Variants in DENND4C observed in about 807,000 individuals in gnomAD.
The protein encoded by DENND4C is DENN domain containing 4C, also known as DENN domain-containing protein 4C.
Under a neutral mutation model 203.0 loss-of-function variants are expected in DENND4C, and 108 were observed. The ratio of observed to expected loss-of-function variants is 0.53; its 90% CI spans 0.46 to 0.62. DENND4C has a LOEUF of 0.62. Ranked by LOEUF, DENND4C falls within the 20% of genes least tolerant of loss-of-function variation. The probability of loss-of-function intolerance (pLI) is 0.00; values close to 1 mark genes in which losing one functional copy is unlikely to be tolerated. For missense variants in DENND4C, 2,481 were observed against 2,301.2 expected, an observed-to-expected ratio of 1.08 and a Z score of -1.60; for synonymous variants, 871 against 792.4, an observed-to-expected ratio of 1.10 and a Z score of -1.67.
intron 1 of DENND4C, among the ~76,000 whole-genome samples, chr9:19,254,288 A>G (rs1470500544): frequency 6.6e-6 from 1 of 152,204 alleles, no homozygotes; most frequent in Non-Finnish European, 1.5e-5. Flanking sequence ...CTGTACCCCC[A>G]TGTTAATTGT....
intron 1 of DENND4C, among the ~76,000 whole-genome samples, chr9:19,266,520 A>G (rs1441322320): frequency 1.3e-5 from 2 of 152,132 alleles, no homozygotes; most frequent in Non-Finnish European, 2.9e-5. Context: ...CATTGCCAAG[A>G]CAATCCTAAG....
intron 10 of DENND4C, among the ~76,000 whole-genome samples, chr9:19,315,557 A>G (rs926550753): frequency 1.1e-4 from 17 of 151,332 alleles, no homozygotes; most frequent in Admixed American, 1.1e-3. Flanking sequence ...ACGTGTATAT[A>G]TGTATGTGTG....
intron 1 of DENND4C, among the ~76,000 whole-genome samples, chr9:19,259,493 CTTTTCTT>C (rs1488776918): frequency 2.1e-5 from 3 of 145,936 alleles, no homozygotes; most frequent in Admixed American, 1.4e-4. Flanking sequence ...ACCATATTTT[CTTTTCTT>C]TTTTCTTTTT....
At chr9:19,257,943 T>G (rs1828390108) in intron 1 of DENND4C, among the ~76,000 whole-genome samples, 1 of 152,018 alleles carries the variant, frequency 6.6e-6, no homozygotes, top group Non-Finnish European at 1.5e-5. Flanking sequence ...GGAAACATGG[T>G]GAGACCTCAT....
At chr9:19,306,781 T>TTATC (rs1839765124) in intron 10 of DENND4C, among the ~76,000 whole-genome samples, 1 of 149,938 alleles carries the variant, frequency 6.7e-6, no homozygotes, top group Non-Finnish European at 1.5e-5. Flanking sequence ...ATTTATTTAT[T>TTATC]TATTTATTTA....
intron 1 of DENND4C, among the ~76,000 whole-genome samples, chr9:19,233,935 G>T (rs1372141439): frequency 6.6e-6 from 1 of 152,012 alleles, no homozygotes; most frequent in Non-Finnish European, 1.5e-5. Context: ...AAATTCAAAA[G>T]AAAAAATTTA....
intron 1 of DENND4C, among the ~76,000 whole-genome samples, chr9:19,275,288 T>G (rs1481787611): frequency 8.7e-6 from 1 of 114,586 alleles, no homozygotes; most frequent in Non-Finnish European, 1.7e-5. Context: ...TTTTTTTTTT[T>G]TTTCTTTCTC....
At chr9:19,294,516 G>A (rs1339264669) in intron 5 of DENND4C, among the ~76,000 whole-genome samples, 3 of 152,132 alleles carry the variant, frequency 2.0e-5, no homozygotes. Context: ...CCATATGATC[G>A]AGCAGTTTCA....
intron 13 of DENND4C, among the ~76,000 whole-genome samples, chr9:19,325,491 C>T (rs1252636025): frequency 6.6e-6 from 1 of 152,014 alleles, no homozygotes; most frequent in Non-Finnish European, 1.5e-5. Flanking sequence ...ATTCATATGC[C>T]TTAGAAGATT....
intron 8 of DENND4C, among the ~76,000 whole-genome samples, chr9:19,299,535 T>C (rs1838126941): frequency 6.6e-6 from 1 of 152,178 alleles, no homozygotes; most frequent in Non-Finnish European, 1.5e-5. Flanking sequence ...TTCCCTTTTC[T>C]TCTCATCTCC....
At chr9:19,336,990 G>T (rs1011754216) in intron 20 of DENND4C, among the ~76,000 whole-genome samples, 158 bp downstream of exon 20, 8 of 152,122 alleles carry the variant, frequency 5.3e-5, no homozygotes, top group Non-Finnish European at 1.2e-4. Flanking sequence ...GATGACTTCT[G>T]TTTATTTCCT....
At chr9:19,336,864 C>T in intron 20 of DENND4C, 32 bp downstream of exon 20, 1 of 1,533,170 alleles carries the variant, frequency 6.5e-7, no homozygotes. Context: ...TAACCCTTCA[C>T]TTACTCTCAT....
intron 16 of DENND4C, among the ~76,000 whole-genome samples, chr9:19,330,600 A>G (rs1238032138): frequency 6.6e-6 from 1 of 151,948 alleles, no homozygotes; most frequent in African/African-American, 2.4e-5. Flanking sequence ...GGCCTCCCAA[A>G]GTGCTGGGAT....
At chr9:19,294,805 A>G (rs190185731) in intron 5 of DENND4C, among the ~76,000 whole-genome samples, 1 of 152,330 alleles carries the variant, frequency 6.6e-6, no homozygotes, top group East Asian at 1.9e-4. Flanking sequence ...TAAATTTTGT[A>G]TGATTCCTCT....
chr9:19,275,832 T>TA (rs1832799086), intron 1 of DENND4C, among the ~76,000 whole-genome samples: 1 of 152,018 alleles, frequency 6.6e-6, no homozygotes, highest in South Asian at 2.1e-4. Flanking sequence ...GTCGCGAACT[T>TA]AAGACCTCAG....
At chr9:19,298,009 C>T (rs774548060) in intron 6 of DENND4C, 47 bp from the exon 7 acceptor site, 6 of 1,397,620 alleles carry the variant, frequency 4.3e-6, no homozygotes, top group Non-Finnish European at 5.9e-6. Context: ...AACTGTGATG[C>T]ATTTAGAAAA....
chr9:19,240,496 T>C (rs1823398904), intron 1 of DENND4C, among the ~76,000 whole-genome samples: 1 of 151,644 alleles, frequency 6.6e-6, no homozygotes. Flanking sequence ...TGAAACCCCA[T>C]CTCTACTAAA....
intron 10 of DENND4C, among the ~76,000 whole-genome samples, chr9:19,313,045 CT>C (rs1215122867): frequency 1.3e-5 from 2 of 151,600 alleles, no homozygotes; most frequent in Non-Finnish European, 2.9e-5. Context: ...CCTTTTTGTT[CT>C]GCTGTTATTC....
intron 1 of DENND4C, among the ~76,000 whole-genome samples, chr9:19,271,444 G>A (rs574587642): frequency 1.3e-5 from 2 of 152,010 alleles, no homozygotes; most frequent in Non-Finnish European, 2.9e-5. Flanking sequence ...CAAGTGATCC[G>A]CCTACCTCTG....
Sources: allele counts gnomAD v4.1 joint callset (sites outside exome capture counted in the v4.1 genomes callset), GRCh38; gene constraint gnomAD v4.1.1; transcripts MANE v1.5; gene names NCBI Gene and HGNC (gene_info 2026-07-23, HGNC 2026-07-21).